Variants in RNF2 observed in about 807,000 individuals in gnomAD.
RNF2 encodes E3 ubiquitin-protein ligase RING2.
Under a neutral mutation model 37.2 loss-of-function variants are expected in RNF2, and 6 were observed. The observed-to-expected ratio is 0.16, with a 90% CI of 0.09 to 0.32. RNF2 has a LOEUF of 0.32. RNF2 is among the 10% of genes least tolerant of loss of function. The pLI, the probability that RNF2 is intolerant of heterozygous loss-of-function variation, is 1.00. For synonymous variants in RNF2, 133 were observed against 132.7 expected (o/e 1.00, Z -0.02); for missense variants, 251 against 404.0 (o/e 0.62, Z 3.25).
intron 1 of RNF2, among the ~76,000 whole-genome samples, chr1:185,082,233 G>T (rs1044376006): frequency 3.9e-5 from 6 of 152,084 alleles, no homozygotes; most frequent in African/African-American, 1.4e-4. Context: ...GTAACTTCTA[G>T]TGTAGTTATA....
intron 1 of RNF2, among the ~76,000 whole-genome samples, chr1:185,069,610 ATTCTGTATAC>A (rs1218267722): frequency 1.3e-5 from 2 of 152,198 alleles, no homozygotes; most frequent in Non-Finnish European, 2.9e-5. Flanking sequence ...GGCCATGTAG[ATTCTGTATAC>A]TTTAGCCCTA....
intron 1 of RNF2, among the ~76,000 whole-genome samples, chr1:185,078,216 C>T (rs1035366505): frequency 2.0e-5 from 3 of 152,174 alleles, no homozygotes; most frequent in African/African-American, 7.2e-5. Flanking sequence ...CACTGCATTC[C>T]AGCCTGGGTG....
chr1:185,101,978 C>T lies in RNF2; in HGVS notation c.*1677C>T, dbSNP rs117477464. On this transcript the variant is annotated 3_prime_UTR_variant, in exon 7 of 7. Coordinates refer to ENST00000367510, the MANE Select transcript of RNF2 (RefSeq NM_007212.4). ...TAATGCATGCCCACTGAATATAACCCTGGTTTTGTGATAAAACTGCTTAGA... is the reference window on the plus strand; with the variant it reads ...TAATGCATGCCCACTGAATATAACCTTGGTTTTGTGATAAAACTGCTTAGA... 5.9e-3 allele frequency: 903 copies of T among 152,280 alleles called. 13 individuals carry two copies. The highest frequency in any genetic ancestry group is 0.056 in the East Asian group (292 of 5,176). 9.4% of individuals were successfully genotyped at this position (152,280 alleles called of 1,614,324 possible).
At position 185,079,051 on chromosome 1, in the gene RNF2, T is replaced by C. The variant is rs543713842; in HGVS notation, c.-2-8501T>C. 8.6e-5 allele frequency among the ~76,000 whole-genome samples: 13 copies of C among 151,842 alleles called. No homozygotes were observed. The South Asian group carries it at 2.1e-3, about 24-fold the overall frequency. On this transcript the variant is annotated intron_variant, in intron 1 of 6. Coordinates refer to ENST00000367510, the MANE Select transcript of RNF2 (RefSeq NM_007212.4). ...CCTTTGATTATTGGAGCTGCCAGCT[T>C]TCACGGTCTACTATGACTAGATCTT...
At chr1:185,082,344 A>ATTTTTTTTTTTT (rs1557969996) in intron 1 of RNF2, among the ~76,000 whole-genome samples, 1 of 46,834 alleles carries the variant, frequency 2.1e-5, no homozygotes, top group Non-Finnish European at 4.1e-5. Context: ...CCTCTGCAGA[A>ATTTTTTTTTTTT]CTTTTTTTTT....
At chr1:185,099,575 T>A (rs994067364) in intron 5 of RNF2, among the ~76,000 whole-genome samples, 27 of 152,198 alleles carry the variant, frequency 1.8e-4, no homozygotes, top group African/African-American at 6.3e-4. Flanking sequence ...TTTTGTGACC[T>A]GACAGTAAGA....
intron 1 of RNF2, among the ~76,000 whole-genome samples, chr1:185,052,193 T>C (rs1339258273): frequency 3.3e-5 from 5 of 152,192 alleles, no homozygotes; most frequent in African/African-American, 1.2e-4. Flanking sequence ...TCCTAATAAC[T>C]GCAGCACTCT....
At chr1:185,082,364 T>TTTTTTTTTTTTTTTTTTG (rs1173750596) in intron 1 of RNF2, among the ~76,000 whole-genome samples, 2 of 114,890 alleles carry the variant, frequency 1.7e-5, no homozygotes, top group Non-Finnish European at 3.8e-5. Context: ...TTTTTTTTTT[T>TTTTTTTTTTTTTTTTTTG]TTTGAAGACA....
At chr1:185,095,271 G>A (rs1443493345) in intron 4 of RNF2, among the ~76,000 whole-genome samples, 3 of 152,118 alleles carry the variant, frequency 2.0e-5, no homozygotes, top group Non-Finnish European at 4.4e-5. Context: ...TCTAGTGGTG[G>A]GGCTGTATGA....
intron 1 of RNF2, among the ~76,000 whole-genome samples, chr1:185,049,431 TA>T (rs927252615): frequency 2.0e-5 from 3 of 152,222 alleles, no homozygotes; most frequent in Admixed American, 6.5e-5. Context: ...TCACAAAAAT[TA>T]TTTTTATGCT....
At chr1:185,048,950 G>T (rs1650194978) in intron 1 of RNF2, among the ~76,000 whole-genome samples, 1 of 152,106 alleles carries the variant, frequency 6.6e-6, no homozygotes. Flanking sequence ...TGCCTTGGGA[G>T]GGGAGTGCCT....
chr1:185,077,843 T>C (rs948312153), intron 1 of RNF2, among the ~76,000 whole-genome samples: 3 of 152,206 alleles, frequency 2.0e-5, no homozygotes, highest in African/African-American at 7.2e-5. Context: ...GTCATTATTG[T>C]TTTATTATTT....
chr1:185,094,907 G>A (rs1651869703), intron 4 of RNF2, among the ~76,000 whole-genome samples: 1 of 152,160 alleles, frequency 6.6e-6, no homozygotes, highest in Non-Finnish European at 1.5e-5. Flanking sequence ...CACCTTGGCT[G>A]AACATCAGAC....
intron 1 of RNF2, among the ~76,000 whole-genome samples, chr1:185,077,500 T>G (rs939512590): frequency 1.3e-5 from 2 of 152,198 alleles, no homozygotes; most frequent in African/African-American, 4.8e-5. Flanking sequence ...TTCTAACTTA[T>G]TACGACTTTT....
chr1:185,078,476 A>G (rs956723065), intron 1 of RNF2, among the ~76,000 whole-genome samples: 6 of 152,046 alleles, frequency 3.9e-5, no homozygotes. Flanking sequence ...TGGTTTCCCT[A>G]TCTTACATGG....
chr1:185,060,208 C>A (rs529271979), intron 1 of RNF2, among the ~76,000 whole-genome samples: 4 of 152,328 alleles, frequency 2.6e-5, no homozygotes, highest in South Asian at 4.1e-4. Flanking sequence ...TAATTCAGAT[C>A]TGTGTAAATC....
intron 1 of RNF2, among the ~76,000 whole-genome samples, chr1:185,080,861 C>T (rs1651324707): frequency 6.6e-6 from 1 of 152,136 alleles, no homozygotes; most frequent in African/African-American, 2.4e-5. Flanking sequence ...TTTGATAGTT[C>T]CTATTAATTT....
intron 1 of RNF2, among the ~76,000 whole-genome samples, chr1:185,051,397 T>C (rs183308862): frequency 2.5e-4 from 38 of 152,304 alleles, no homozygotes; most frequent in East Asian, 9.6e-4. Flanking sequence ...CTGAGTCTCT[T>C]TTCTTTTGTT....
At chr1:185,088,215 G>C (rs1280475476) in intron 2 of RNF2, among the ~76,000 whole-genome samples, 1 of 152,116 alleles carries the variant, frequency 6.6e-6, no homozygotes, top group Non-Finnish European at 1.5e-5. Flanking sequence ...ATGAGCAGAG[G>C]ACCTATAACT....
Sources: gnomAD v4.1 joint callset for allele counts (sites outside exome capture counted in the v4.1 genomes callset) on GRCh38, gnomAD v4.1.1 for gene constraint, MANE v1.5 for transcripts, NCBI Gene and HGNC (gene_info 2026-07-23, HGNC 2026-07-21) for gene names.